RGL3: variants seen among roughly 807,000 people sequenced by gnomAD.
RGL3 encodes the protein ral guanine nucleotide dissociation stimulator like 3, also known as ral guanine nucleotide dissociation stimulator-like 3.
Under a neutral mutation model 90.6 loss-of-function variants are expected in RGL3, and 85 were observed. That is an observed-to-expected ratio of 0.94 (90% CI 0.79 to 1.12). The LOEUF (loss-of-function observed/expected upper bound fraction) is 1.12, where lower values mean the gene tolerates loss of function less well. Among genes scored for constraint, RGL3 ranks in the 50% most tolerant of loss-of-function variants. The pLI, the probability that RGL3 is intolerant of heterozygous loss-of-function variation, is 0.00. For synonymous variants in RGL3, 408 were observed against 385.5 expected, an observed-to-expected ratio of 1.06 and a Z score of -0.68; for missense variants, 1,034 against 939.2, an observed-to-expected ratio of 1.10 and a Z score of -1.32.
intron 11 of RGL3, 34 bp downstream of exon 11, chr19:11,402,421 G>A: frequency 6.3e-7 from 1 of 1,586,762 alleles, no homozygotes; most frequent in Non-Finnish European, 8.6e-7. Flanking sequence ...GGCAAGTGGA[G>A]CTGGGGTCAG....
At chr19:11,413,902 C>A (rs1024804114) in intron 5 of RGL3, among the ~76,000 whole-genome samples, 12 of 148,298 alleles carry the variant, frequency 8.1e-5, no homozygotes, top group African/African-American at 2.9e-4. Context: ...CGCCACCACG[C>A]CCGGCTAATA....
In RGL3 at chr19:11,416,021, C is replaced by T. The variant is rs1968987728; in HGVS notation, c.553G>A (p.Ala185Thr). ...TCCAGAAGCTTCTCTGCTTTTTGAGCCTCAGCACTCCCTGGGGCCGCCCAG... is the reference window on the plus strand; with the variant it reads ...TCCAGAAGCTTCTCTGCTTTTTGAGTCTCAGCACTCCCTGGGGCCGCCCAG... Reference protein sequence around the residue: ...LGWAAPGSAEAQKAEKLLEDF... With the variant: ...LGWAAPGSAETQKAEKLLEDF... Residue 185 changes from alanine (A) to threonine (T), a missense_variant, in exon 5 of 19, where the codon GCT (alanine) becomes ACT (threonine). Physicochemically the swap from Ala to Thr is moderately conservative, Grantham distance 58 (BLOSUM62 0). Transcript: ENST00000380456. The T allele has an allele frequency of 1.2e-6, 2 of 1,613,986 alleles. No individual in the cohort carries two copies. Among genetic ancestry groups the T allele is most frequent in the African/African-American group, 1.3e-5 (1 of 75,000 alleles).
At chr19:11,418,649 AC>A (rs1386332680) in intron 2 of RGL3, 21 bp downstream of exon 2, 1 of 1,516,760 alleles carries the variant, frequency 6.6e-7, no homozygotes, top group Middle Eastern at 2.0e-4. Flanking sequence ...GCCCCGCGCC[AC>A]CCACCAAACC....
Position 11,394,284 on chromosome 19 carries a change from G to A in RGL3, c.*118C>T. ...AGATGGGGTCCAATGGGCTACAGTT[G>A]GGTGGTGGTCCTGGGATACACAGCA... On this transcript the variant is annotated 3_prime_UTR_variant, in exon 19 of 19. Transcript: ENST00000380456. 1 of 767,688 alleles carries A rather than the reference G, an allele frequency of 1.3e-6. No individual in the cohort carries two copies. Among genetic ancestry groups the A allele is most frequent in the Non-Finnish European group, 2.3e-6 (1 of 425,936 alleles). The allele number at this position is 767,688 out of a possible 1,614,324, so 47.6% of individuals were successfully genotyped here. A position where few individuals can be genotyped will look rare whatever the true frequency, so the allele number is the denominator to read the frequency against.
At chr19:11,415,305 T>A (rs1193154793) in intron 5 of RGL3, among the ~76,000 whole-genome samples, 2 of 150,568 alleles carry the variant, frequency 1.3e-5, no homozygotes, top group African/African-American at 4.9e-5. Context: ...CACTGAGCCA[T>A]GATGGAGACA....
At chr19:11,414,502 T>TTC (rs1968953260) in intron 5 of RGL3, among the ~76,000 whole-genome samples, 2 of 79,156 alleles carry the variant, frequency 2.5e-5, no homozygotes, top group African/African-American at 1.0e-4. Flanking sequence ...TATATATATA[T>TTC]ATATATATAT....
chr19:11,399,878 C>G lies in RGL3; in HGVS notation c.1723G>C (p.Gly575Arg), dbSNP rs753264735. 1 of 1,508,918 alleles carries G rather than the reference C, an allele frequency of 6.6e-7. No individual in the cohort carries two copies. Among genetic ancestry groups the G allele is most frequent in the Admixed American group, 2.4e-5 (1 of 41,208 alleles). The allele number at this position is 1,508,918 out of a possible 1,614,324, so 93.5% of individuals were successfully genotyped here. A position where few individuals can be genotyped will look rare whatever the true frequency, so the allele number is the denominator to read the frequency against. The change falls in exon 16 of 19, where the codon GGG (glycine) becomes CGG (arginine). Residue 575 changes from glycine (G) to arginine (R), a missense_variant. Physicochemically the swap from Gly to Arg is moderately radical, Grantham distance 125. Coordinates refer to ENST00000380456, the MANE Select transcript of RGL3 (RefSeq NM_001035223.4). ...ACCTTGGTGCTGGGGCCCTGGGGCC[C>G]TGGAGAGGCCGGGGGACTGCCAGCA... ...APAGSPPASP[G>R]PQGPSTKLPL... is the part of the protein sequence containing the mutation.
At chr19:11,400,447 G>A (rs892616134) in intron 13 of RGL3, 150 bp from the exon 14 acceptor site, 6 of 579,080 alleles carry the variant, frequency 1.0e-5, no homozygotes, top group Non-Finnish European at 1.8e-5. Context: ...GGTGGTAAAT[G>A]AGGGTCATTG....
chr19:11,414,762 G>A (rs1428846375), intron 5 of RGL3, among the ~76,000 whole-genome samples: 1 of 151,642 alleles, frequency 6.6e-6, no homozygotes, highest in East Asian at 1.9e-4. Flanking sequence ...TCCTGCCCCT[G>A]GGGACAGAGC....
chr19:11,414,151 A>ATATATATATATATATATATATATACACC (rs1968920822), intron 5 of RGL3, among the ~76,000 whole-genome samples: 2 of 84,364 alleles, frequency 2.4e-5, no homozygotes, highest in Non-Finnish European at 4.5e-5. Context: ...ATATATATAT[A>ATATATATATATATATATATATATACACC]TATATATATA....
chr19:11,406,905 C>T (rs769235202), intron 5 of RGL3, 41 bp from the exon 6 acceptor site: 1 of 1,583,040 alleles, frequency 6.3e-7, no homozygotes, highest in Non-Finnish European at 8.6e-7. Flanking sequence ...AGTTTGAATC[C>T]AAGACTGGCT....
intron 18 of RGL3, among the ~76,000 whole-genome samples, chr19:11,395,171 C>A (rs955660449): frequency 6.6e-6 from 1 of 151,822 alleles, no homozygotes; most frequent in Non-Finnish European, 1.5e-5. Flanking sequence ...CCTAGACCAC[C>A]CCCCGCCAAA....
At chr19:11,410,204 T>A (rs1252290198) in intron 5 of RGL3, among the ~76,000 whole-genome samples, 1 of 151,662 alleles carries the variant, frequency 6.6e-6, no homozygotes, top group Non-Finnish European at 1.5e-5. Context: ...TTTCACCATG[T>A]TGGCCGGACT....
intron 16 of RGL3, 68 bp from the exon 17 acceptor site, chr19:11,397,665 G>A (rs564637933): frequency 3.3e-4 from 464 of 1,411,002 alleles, no homozygotes; most frequent in Non-Finnish European, 4.0e-4. Context: ...AGAAAAGCAC[G>A]AACACCCCAG....
chr19:11,417,149 T>A lies in RGL3; in HGVS notation c.148-90A>T. ...CACATTCATCACTAGCACCACTCTTTTTTTTTTTGTTTTTTTTTTTGAGAC... is the reference window on the plus strand; with the variant it reads ...CACATTCATCACTAGCACCACTCTTATTTTTTTTGTTTTTTTTTTTGAGAC... On this transcript the variant is annotated intron_variant, in intron 2 of 18. Coordinates refer to ENST00000380456, the MANE Select transcript of RGL3 (RefSeq NM_001035223.4). 3.1e-6 allele frequency: 3 copies of A among 966,756 alleles called. No individual in the cohort carries two copies. The South Asian group carries it at 5.5e-5, about 18-fold the overall frequency. The allele number at this position is 966,756 out of a possible 1,614,324, so 59.9% of individuals were successfully genotyped here.
At position 11,415,153 on chromosome 19, in the gene RGL3, A is replaced by T. The variant is rs377743924; in HGVS notation, c.637+784T>A. 1.3e-3 allele frequency among the ~76,000 whole-genome samples: 190 copies of T among 151,820 alleles called. 1 individual carries two copies. The highest frequency in any genetic ancestry group is 1.5e-3 in the Non-Finnish European group (104 of 67,950). ...TAAAAAAAAAAATAGATAAAAAAAT[A>T]AAATTAAATTAAATTAAATTTAAAA... On this transcript the variant is annotated intron_variant, in intron 5 of 18. Coordinates refer to ENST00000380456, the MANE Select transcript of RGL3 (RefSeq NM_001035223.4).
In RGL3 at chr19:11,402,708, TGA is replaced by T; in HGVS notation, c.1186-4_1186-3del. The T allele has an allele frequency of 6.2e-7, 1 of 1,612,804 alleles. No individual in the cohort carries two copies. On this transcript the variant is annotated splice_region_variant and splice_polypyrimidine_tract_variant and intron_variant, in intron 9 of 18. Transcript: ENST00000380456. ...TTGGGATCCCTCAGTGGCCTCCTCC[TGA>T]GGGAAGAGAAAAACTGAGCCAGGTC...
chr19:11,394,094 T>G lies in RGL3; in HGVS notation c.*308A>C, dbSNP rs1312445408. The G allele has an allele frequency of 4.2e-5, 12 of 287,772 alleles. No homozygotes were observed. The Admixed American group carries it at 5.6e-4, about 13-fold the overall frequency. The allele number at this position is 287,772 out of a possible 1,614,324, so 17.8% of individuals were successfully genotyped here. ...TCTGGTCACTATTTTCATCCGCATC[T>G]GTCACTTCTGATGCGTCTCTAACAT... On this transcript the variant is annotated 3_prime_UTR_variant, in exon 19 of 19. Coordinates refer to ENST00000380456, the MANE Select transcript of RGL3 (RefSeq NM_001035223.4).
Position 11,406,782 on chromosome 19 carries a change from A to T in RGL3, c.720T>A (p.Gly240=). 1 of 1,613,872 alleles carries T rather than the reference A, an allele frequency of 6.2e-7. No individual in the cohort carries two copies. Among genetic ancestry groups the T allele is most frequent in the Middle Eastern group, 1.6e-4 (1 of 6,062 alleles). ...CCACGCTGAAGTCCAGGAGCTGGGG[A>T]CCTTGAGGCATGAGCCCTTCCTCTT... ...AEEEEGLMPQ[G]PQLLDFSVDE... is the part of the protein sequence containing the mutation. Residue 240 remains glycine, a synonymous_variant, in exon 6 of 19, where the codon GGT becomes GGA. Transcript: ENST00000380456.
Sources: gnomAD v4.1 joint callset for allele counts (sites outside exome capture counted in the v4.1 genomes callset) on GRCh38, gnomAD v4.1.1 for gene constraint, MANE v1.5 for transcripts, NCBI Gene and HGNC (gene_info 2026-07-23, HGNC 2026-07-21) for gene names.